The following CENPT variants were observed in gnomAD, a reference collection of about 807,000 sequenced individuals.
The protein encoded by CENPT is centromere protein T, also known as interphase centromere complex protein 22.
In CENPT, 42 loss-of-function variants were observed where a neutral mutation model predicts 59.7. That is an observed-to-expected ratio of 0.70 (90% CI 0.55 to 0.91). The LOEUF (loss-of-function observed/expected upper bound fraction) is 0.91, where lower values mean the gene tolerates loss of function less well. Among genes scored for constraint, CENPT ranks in the 40% least tolerant of loss-of-function variants. The pLI, the probability that CENPT is intolerant of heterozygous loss-of-function variation, is 0.00. For synonymous variants in CENPT, 295 were observed against 289.6 expected (o/e 1.02, Z -0.19); for missense variants, 716 against 713.4 (o/e 1.00, Z -0.04).
At chr16:67,830,598 G>C in intron 10 of CENPT, 50 bp from the exon 11 acceptor site, 1 of 1,589,428 alleles carries the variant, frequency 6.3e-7, no homozygotes, top group Non-Finnish European at 8.6e-7. Flanking sequence ...GGAGATCAGG[G>C]GCCAGCTGGC....
Position 67,842,945 on chromosome 16 carries a change from C to G in CENPT, c.-492+4456G>C. ...ACAGCAGCAGCAGCAGCAGCAGCAGCAGCAGTCCTCACCCTCTGCCTCCAC... is the reference window on the plus strand; with the variant it reads ...ACAGCAGCAGCAGCAGCAGCAGCAGGAGCAGTCCTCACCCTCTGCCTCCAC... On this transcript the variant is annotated intron_variant, in intron 1 of 15. Coordinates refer to ENST00000562787, the MANE Select transcript of CENPT (RefSeq NM_025082.4). This position sits in a 1 kb window ranked among gnomAD's most constrained non-coding sequence, Gnocchi z 4.9. 3.1e-6 allele frequency: 5 copies of G among 1,610,942 alleles called. No homozygotes were observed. The highest frequency in any genetic ancestry group is 3.4e-6 in the Non-Finnish European group (4 of 1,179,576).
rs577882777 is a variant in CENPT at position 67,829,780 on chromosome 16, C to T, written c.1171G>A (p.Ala391Thr). 1.2e-6 allele frequency: 2 copies of T among 1,614,078 alleles called. No homozygotes were observed. The highest frequency in any genetic ancestry group is 4.5e-5 in the East Asian group (2 of 44,884). The stretch of plus-strand genomic sequence containing the variant: ...GGCCTCTTACCTGCCCTGCCAGAGG[C>T]ATCCTCATCCCCTGAAGATGCTCCT... ...GPGASSGDED[A>T]SGRAASPESA... The change falls in exon 12 of 16, where the codon GCC becomes ACC. Residue 391 changes from alanine (A) to threonine (T), a missense_variant. Ala to Thr is a moderately conservative substitution (Grantham distance 58, BLOSUM62 0). Coordinates refer to ENST00000562787, the MANE Select transcript of CENPT (RefSeq NM_025082.4).
rs1436306711 is a variant in CENPT at position 67,832,536 on chromosome 16, T to C, written c.120A>G (p.Arg40=). 1 of 1,613,874 alleles carries C rather than the reference T, an allele frequency of 6.2e-7. No individual in the cohort carries two copies. The change falls in exon 5 of 16, where the codon AGA becomes AGG. Residue 40 remains arginine, a synonymous_variant. Coordinates refer to ENST00000562787, the MANE Select transcript of CENPT (RefSeq NM_025082.4). ...TGGGGGAAGCCGTTTCAAGCAGGGC[T>C]CTCCGGGCTCTGTGTAAAGACCAGC... The part of the protein sequence containing the change: ...RPRSARAGAR[R]ALLETASPRK...
rs569640411 is a variant in CENPT at position 67,828,735 on chromosome 16, A to G, written c.1389T>C (p.Tyr463=). 1.5e-5 allele frequency: 25 copies of G among 1,613,948 alleles called. No individual in the cohort carries two copies. Among genetic ancestry groups the G allele is most frequent in the Non-Finnish European group, 1.8e-5 (21 of 1,180,002 alleles). Residue 463 remains tyrosine (Y), a synonymous_variant, in exon 14 of 16, where the codon TAT becomes TAC. Transcript: ENST00000562787. ...TGGCATAGAAGCTAAAGAGTTTCACATAGTGGCTCAGTCCAGCCTTGTGGG... is the reference window on the plus strand; with the variant it reads ...TGGCATAGAAGCTAAAGAGTTTCACGTAGTGGCTCAGTCCAGCCTTGTGGG... ...QDPHKAGLSH[Y]VKLFSFYAKM... is the part of the protein sequence containing the mutation.
intron 1 of CENPT, among the ~76,000 whole-genome samples, chr16:67,839,581 T>C (rs1248550163): frequency 6.6e-6 from 1 of 150,418 alleles, no homozygotes; most frequent in African/African-American, 2.4e-5. Flanking sequence ...AATAAATAAA[T>C]AAATAAATAG....
Position 67,843,097 on chromosome 16 carries a change from T to C in CENPT, c.-492+4304A>G, listed in dbSNP as rs1165176795. The C allele has an allele frequency of 6.2e-7, 1 of 1,610,988 alleles. No homozygotes were observed. Among genetic ancestry groups the C allele is most frequent in the South Asian group, 1.1e-5 (1 of 91,076 alleles). On this transcript the variant is annotated intron_variant, in intron 1 of 15. Transcript: ENST00000562787. This position sits in a 1 kb window ranked among gnomAD's most constrained non-coding sequence, Gnocchi z 5.7. ...TACAGCCGGCGCCCATCACTCCCAC[T>C]GGAGAAGACGTGAAGCCCATCGATC...
intron 1 of CENPT, chr16:67,847,092 C>T (rs2057807158): frequency 2.0e-5 from 3 of 150,234 alleles, no homozygotes; most frequent in South Asian, 2.1e-4. Context: ...CTCCCCTCCC[C>T]CCCCCCCGGC....
intron 3 of CENPT, 177 bp from the exon 4 acceptor site, chr16:67,834,277 C>T (rs557418779): frequency 1.8e-5 from 3 of 162,928 alleles, no homozygotes; most frequent in East Asian, 3.5e-4. Context: ...ACACTTGGGC[C>T]AGGAAAAAGA....
chr16:67,835,447 T>C (rs1171962727), intron 2 of CENPT, 91 bp downstream of exon 2: 1 of 152,030 alleles, frequency 6.6e-6, no homozygotes, highest in Non-Finnish European at 1.5e-5. Context: ...GCGGATCACT[T>C]GAGGTCAGGA....
intron 1 of CENPT, among the ~76,000 whole-genome samples, chr16:67,845,735 G>A (rs2057793498): frequency 6.6e-6 from 1 of 152,266 alleles, no homozygotes; most frequent in South Asian, 2.1e-4. Context: ...ACAGTTCACA[G>A]AGCAAGGGAG....
rs757955307 is a variant in CENPT at position 67,842,866 on chromosome 16, GCAGCAGCAA to G, written c.-492+4526_-492+4534del. ...GGGCCGCGGCCGCCCGCCGCAGGCA[GCAGCAGCAA>G]CAGCAGCAGCAGCAGCAACAGCAGC... On this transcript the variant is annotated intron_variant, in intron 1 of 15. Coordinates refer to ENST00000562787, the MANE Select transcript of CENPT (RefSeq NM_025082.4). The surrounding 1 kb of genome is among the most constrained non-coding windows in gnomAD (Gnocchi z 4.9). The G allele has an allele frequency of 1.2e-4, 197 of 1,607,758 alleles. 1 individual carries two copies. Among genetic ancestry groups the G allele is most frequent in the South Asian group, 1.0e-3 (93 of 90,886 alleles).
intron 1 of CENPT, among the ~76,000 whole-genome samples, chr16:67,845,001 C>T (rs2057788206): frequency 6.6e-6 from 1 of 152,060 alleles, no homozygotes; most frequent in Non-Finnish European, 1.5e-5. Context: ...GTTGGCCAGG[C>T]TGGTCTCGAG....
chr16:67,832,590 G>A (rs540817712), intron 4 of CENPT, 45 bp from the exon 5 acceptor site: 5 of 1,541,464 alleles, frequency 3.2e-6, no homozygotes, highest in South Asian at 2.3e-5. Context: ...GGTGAGGAGG[G>A]ATAGAGAATA....
chr16:67,832,185 G>C (rs772737485), intron 6 of CENPT, 43 bp downstream of exon 6: 1 of 1,608,758 alleles, frequency 6.2e-7, no homozygotes, highest in Non-Finnish European at 8.5e-7. Flanking sequence ...GACTGGGGTT[G>C]GACTGGTACC....
At position 67,834,378 on chromosome 16, in the gene CENPT, C is replaced by T. The variant is rs137970483; in HGVS notation, c.-241-278G>A. Reference sequence around the variant, plus strand: ...ATTCCAATACTTTAGGACACCGAGGCGGGAGGATAGCTTGAGCTCAGGAGT... The same window carrying T: ...ATTCCAATACTTTAGGACACCGAGGTGGGAGGATAGCTTGAGCTCAGGAGT... On this transcript the variant is annotated intron_variant, in intron 3 of 15. Coordinates refer to ENST00000562787, the MANE Select transcript of CENPT (RefSeq NM_025082.4). 8.1e-3 allele frequency among the ~76,000 whole-genome samples: 1,233 copies of T among 152,274 alleles called. 8 individuals are homozygous for T. Among genetic ancestry groups the T allele is most frequent in the African/African-American group, 0.023 (943 of 41,550 alleles).
At chr16:67,829,031 G>A in intron 13 of CENPT, 188 bp from the exon 14 acceptor site, 1 of 577,540 alleles carries the variant, frequency 1.7e-6, no homozygotes, top group Non-Finnish European at 3.0e-6. Flanking sequence ...CTTTCCCTGG[G>A]GCTCTGTCCC....
chr16:67,837,694 C>T (rs559376902), intron 1 of CENPT, among the ~76,000 whole-genome samples: 8 of 151,898 alleles, frequency 5.3e-5, no homozygotes, highest in South Asian at 2.1e-4. Flanking sequence ...AGTGAGACTC[C>T]GTCTCAAAAA....
chr16:67,830,740 G>A (rs2057679349), intron 10 of CENPT, 192 bp from the exon 11 acceptor site: 1 of 592,616 alleles, frequency 1.7e-6, no homozygotes, highest in Non-Finnish European at 2.9e-6. Flanking sequence ...ATCGCCTACA[G>A]CCCTCCTTGC....
intron 1 of CENPT, among the ~76,000 whole-genome samples, chr16:67,840,903 T>C (rs1393109077): frequency 2.0e-5 from 3 of 151,360 alleles, no homozygotes; most frequent in Non-Finnish European, 4.4e-5. Flanking sequence ...CTCACGCCTG[T>C]AATCCTAGCA....
Sources: allele counts gnomAD v4.1 joint callset (sites outside exome capture counted in the v4.1 genomes callset), GRCh38; gene constraint gnomAD v4.1.1; non-coding constraint Gnocchi (gnomAD v3.1); transcripts MANE v1.5; gene names NCBI Gene and HGNC (gene_info 2026-07-23, HGNC 2026-07-21).